Variants in ABCB7 observed in about 807,000 individuals in gnomAD.
The protein encoded by ABCB7 is iron-sulfur clusters transporter ABCB7, mitochondrial.
ABCB7 carries 7 observed loss-of-function variants against 54.4 expected under a neutral mutation model. The ratio of observed to expected loss-of-function variants is 0.13; its 90% confidence interval spans 0.07 to 0.24. The LOEUF is 0.24. ABCB7 is among the 10% of genes least tolerant of loss of function. The probability of loss-of-function intolerance (pLI) is 1.00; values close to 1 mark genes in which losing one functional copy is unlikely to be tolerated. For missense variants in ABCB7, 356 were observed against 570.4 expected (o/e 0.62, Z 3.83); for synonymous variants, 218 against 207.1 (o/e 1.05, Z -0.45).
intron 4 of ABCB7, among the ~76,000 whole-genome samples, chrX:75,079,282 T>C (rs949125252): frequency 9.0e-6 from 1 of 111,444 alleles, no homozygotes; most frequent in African/African-American, 3.3e-5. Context: ...TTTAAAAAGG[T>C]AAGAAATATG....
chrX:75,120,068 TG>T (rs2081861374), intron 1 of ABCB7, among the ~76,000 whole-genome samples: 2 of 112,114 alleles, frequency 1.8e-5, no homozygotes, highest in African/African-American at 3.2e-5. Context: ...TTGAATGTAC[TG>T]AACTAATACA....
intron 15 of ABCB7, among the ~76,000 whole-genome samples, chrX:75,058,544 G>T (rs1283422907): frequency 9.0e-6 from 1 of 111,537 alleles, no homozygotes. Context: ...CAAAGCTAAG[G>T]TCATATTAGT....
In ABCB7 at chrX:75,084,729, A is replaced by G. The variant is rs188878347; in HGVS notation, c.454-8075T>C. 4.5e-5 allele frequency among the ~76,000 whole-genome samples: 5 copies of G among 112,161 alleles called. No individual in the cohort carries two copies. The Admixed American group carries it at 4.7e-4, about 11-fold the overall frequency. On this transcript the variant is annotated intron_variant, in intron 4 of 15. Coordinates refer to ENST00000373394, the MANE Select transcript of ABCB7 (RefSeq NM_001271696.3). ...GGGAGAAAATATCTGCAAATCATATATCTGGTAAAGGTTTCATATCAGAAT... is the reference window on the plus strand; with the variant it reads ...GGGAGAAAATATCTGCAAATCATATGTCTGGTAAAGGTTTCATATCAGAAT...
At chrX:75,105,183 A>G (rs886771580) in intron 3 of ABCB7, among the ~76,000 whole-genome samples, 1 of 111,210 alleles carries the variant, frequency 9.0e-6, no homozygotes, top group Non-Finnish European at 1.9e-5. Flanking sequence ...AGCTACAGCA[A>G]TCAGAGAAGA....
In ABCB7 at chrX:75,073,745, C is replaced by G; in HGVS notation, c.976G>C (p.Asp326His). Residue 326 changes from aspartate to histidine, a missense_variant, in exon 8 of 16, where the codon GAT becomes CAT. Asp to His is a moderately conservative substitution (Grantham distance 81, BLOSUM62 -1). This residue lies in a region of ABCB7 where 241 missense variants were observed against 470.9 expected (regional missense o/e 0.51). Transcript: ENST00000373394. ...TRFRIEMNKADNDAGNAAIDS... is the reference protein window; with the variant it reads ...TRFRIEMNKAHNDAGNAAIDS... ...ATAGCAGCATTACCTGCATCATTAT[C>G]TGCTTTGTTCATTTCTATTCTAAAT... The G allele has an allele frequency of 8.3e-7, 1 of 1,204,426 alleles. No individual in the cohort carries two copies. The highest frequency in any genetic ancestry group is 1.1e-6 in the Non-Finnish European group (1 of 888,764).
At chrX:75,125,815 T>G (rs28580149) in intron 1 of ABCB7, among the ~76,000 whole-genome samples, 2 of 110,190 alleles carry the variant, frequency 1.8e-5, no homozygotes, top group Non-Finnish European at 3.8e-5. Context: ...AGGGACTTTT[T>G]CAAAAAATAT....
chrX:75,129,718 C>T (rs1464680226), intron 1 of ABCB7, among the ~76,000 whole-genome samples: 1 of 109,313 alleles, frequency 9.1e-6, no homozygotes, highest in Non-Finnish European at 1.9e-5. Flanking sequence ...ATAGAGGGTT[C>T]GCTGAAGGCC....
intron 9 of ABCB7, among the ~76,000 whole-genome samples, chrX:75,071,182 C>A (rs181493392): frequency 9.1e-6 from 1 of 110,106 alleles, no homozygotes; most frequent in East Asian, 2.9e-4. Context: ...GTGCTTTGAA[C>A]TAAACACTAA....
intron 12 of ABCB7, among the ~76,000 whole-genome samples, chrX:75,068,188 G>A (rs762881145): frequency 1.8e-5 from 2 of 110,737 alleles, no homozygotes; most frequent in South Asian, 7.9e-4. Flanking sequence ...TCATTTAGGG[G>A]ACATTTTGCA....
In ABCB7 at chrX:75,143,490, C is replaced by T. The variant is rs146913340; in HGVS notation, c.168+12615G>A. On this transcript the variant is annotated intron_variant, in intron 1 of 15. Transcript: ENST00000373394. Reference sequence around the variant, plus strand: ...GCCCTCCAAACTGTTCCAACCTCTGCCTGGTACCCAGTGCCAAAGTCACTT... The same window carrying T: ...GCCCTCCAAACTGTTCCAACCTCTGTCTGGTACCCAGTGCCAAAGTCACTT... Among the ~76,000 whole-genome samples, 487 of 111,844 alleles carry T rather than the reference C, an allele frequency of 4.4e-3. 2 individuals are homozygous for T. The highest frequency in any genetic ancestry group is 0.015 in the African/African-American group (471 of 30,814).
chrX:75,097,887 T>C (rs1240783684), intron 4 of ABCB7, among the ~76,000 whole-genome samples: 1 of 112,087 alleles, frequency 8.9e-6, no homozygotes, highest in African/African-American at 3.2e-5. Flanking sequence ...ATGGACAAAC[T>C]GAGGCACACA....
At chrX:75,137,987 A>G (rs1038007820) in intron 1 of ABCB7, among the ~76,000 whole-genome samples, 4 of 111,464 alleles carry the variant, frequency 3.6e-5, no homozygotes, top group African/African-American at 1.3e-4. Context: ...CAGTTTATCC[A>G]TGTAACAAAC....
intron 9 of ABCB7, among the ~76,000 whole-genome samples, chrX:75,070,821 T>C (rs928830590): frequency 1.8e-5 from 2 of 111,055 alleles, no homozygotes; most frequent in Admixed American, 1.9e-4. Flanking sequence ...ACACTAGCAA[T>C]GGTTTCTTTG....
At chrX:75,119,193 G>A (rs1036069636) in intron 1 of ABCB7, among the ~76,000 whole-genome samples, 1 of 112,007 alleles carries the variant, frequency 8.9e-6, no homozygotes, top group African/African-American at 3.2e-5. Flanking sequence ...TTACATGCAA[G>A]GTGTGCAAAG....
chrX:75,065,518 T>C (rs1434096023), intron 12 of ABCB7, among the ~76,000 whole-genome samples: 2 of 111,528 alleles, frequency 1.8e-5, no homozygotes, highest in African/African-American at 3.3e-5. Context: ...TCTACACATA[T>C]TATTTTGCAA....
In ABCB7 at chrX:75,073,853, T is replaced by C. The variant is rs1383539559; in HGVS notation, c.944+15A>G. 1.7e-6 allele frequency: 2 copies of C among 1,200,323 alleles called. No individual in the cohort carries two copies. Among genetic ancestry groups the C allele is most frequent in the Non-Finnish European group, 1.1e-6 (1 of 884,973 alleles). ...CAATTTCTAAATTTTATGTGGCTTC[T>C]AGGGAATAAATTACCTCCACCGTGT... On this transcript the variant is annotated intron_variant, in intron 7 of 15. Transcript: ENST00000373394.
At chrX:75,083,990 A>G (rs1057107347) in intron 4 of ABCB7, among the ~76,000 whole-genome samples, 3 of 110,868 alleles carry the variant, frequency 2.7e-5, no homozygotes, top group Non-Finnish European at 3.8e-5. Flanking sequence ...TAATTACAGG[A>G]GTACTTATAA....
At position 75,070,356 on chromosome X, in the gene ABCB7, A is replaced by C. The variant is rs889595739; in HGVS notation, c.1365+9T>G. The C allele has an allele frequency of 2.2e-5, 26 of 1,200,508 alleles. No individual in the cohort carries two copies. Among genetic ancestry groups the C allele is most frequent in the Non-Finnish European group, 2.8e-5 (25 of 887,263 alleles). The stretch of plus-strand genomic sequence containing the variant: ...ATACTTTTGAAAAGGTACTATATAG[A>C]TTACTTACTTTAATTTGGGTGTCTA... On this transcript the variant is annotated intron_variant, in intron 10 of 15. Coordinates refer to ENST00000373394, the MANE Select transcript of ABCB7 (RefSeq NM_001271696.3).
chrX:75,067,620 G>C (rs2081331124), intron 12 of ABCB7, among the ~76,000 whole-genome samples: 2 of 110,878 alleles, frequency 1.8e-5, no homozygotes, highest in East Asian at 5.7e-4. Flanking sequence ...AAGTAGCTAG[G>C]ATTACAGACA....
Sources: gnomAD v4.1 joint callset for allele counts (sites outside exome capture counted in the v4.1 genomes callset) on GRCh38, gnomAD v4.1.1 for gene constraint, gnomAD v4.1.1 regional missense constraint, MANE v1.5 for transcripts, NCBI Gene and HGNC (gene_info 2026-07-23, HGNC 2026-07-21) for gene names.